EIF4B: variants seen among roughly 807,000 people sequenced by gnomAD.
EIF4B encodes the protein eukaryotic translation initiation factor 4B.
A neutral mutation model predicts 79.3 loss-of-function variants in EIF4B; 8 were observed. The observed-to-expected ratio is 0.10, with a 90% CI of 0.06 to 0.18. The LOEUF (loss-of-function observed/expected upper bound fraction) is 0.18, where lower values mean the gene tolerates loss of function less well. Among genes scored for constraint, EIF4B ranks in the 10% least tolerant of loss-of-function variants. EIF4B has a pLI of 1.00. For missense variants in EIF4B, 515 were observed against 792.4 expected (o/e 0.65, Z 4.20); for synonymous variants, 238 against 274.7 (o/e 0.87, Z 1.32).
At chr12:53,022,046 G>T (rs917925004) in intron 5 of EIF4B, 186 bp downstream of exon 5, 2 of 677,042 alleles carry the variant, frequency 3.0e-6, no homozygotes, top group South Asian at 1.9e-5. Context: ...GTCACAATTG[G>T]AGGGAGTGCT....
At chr12:53,025,268 AG>A in intron 6 of EIF4B, 2 of 455,754 alleles carry the variant, frequency 4.4e-6, no homozygotes, top group Non-Finnish European at 8.8e-6. Context: ...AATCAGACCA[AG>A]GGTCCTGTTT....
intron 8 of EIF4B, among the ~76,000 whole-genome samples, chr12:53,028,697 C>T: frequency 6.6e-6 from 1 of 151,894 alleles, no homozygotes; most frequent in South Asian, 2.1e-4. Flanking sequence ...AAAAAAGTTG[C>T]CAGATACTGT....
intron 1 of EIF4B, among the ~76,000 whole-genome samples, chr12:53,006,763 T>C (rs1942967811): frequency 6.6e-6 from 1 of 151,296 alleles, no homozygotes; most frequent in Non-Finnish European, 1.5e-5. Context: ...CTGGCTTGAA[T>C]TGGGGAAGGA....
At chr12:53,022,852 CT>C in intron 6 of EIF4B, among the ~76,000 whole-genome samples, 1 of 152,238 alleles carries the variant, frequency 6.6e-6, no homozygotes, top group South Asian at 2.1e-4. Context: ...ACAGACATTT[CT>C]CTTTTTTTGG....
At chr12:53,007,437 T>A (rs1942986981) in intron 1 of EIF4B, among the ~76,000 whole-genome samples, 1 of 147,828 alleles carries the variant, frequency 6.8e-6, no homozygotes, top group Non-Finnish European at 1.5e-5. Flanking sequence ...TTTTTTTTTT[T>A]TTTTTTTTTT....
intron 12 of EIF4B, 138 bp from the exon 13 acceptor site, chr12:53,039,096 CAGGA>C (rs200485235): frequency 0.014 from 8,535 of 598,610 alleles, 82 homozygotes; most frequent in African/African-American, 0.033. Context: ...AGAAGGGCTT[CAGGA>C]AGGAAGTCTG....
chr12:53,019,115 A>T lies in EIF4B; in HGVS notation c.360+109A>T. Reference sequence around the variant, plus strand: ...GAAAAAACAACTAGAAATATAATTTAAGGCCGGGAATGGTGGCTCACGCCT... The same window carrying T: ...GAAAAAACAACTAGAAATATAATTTTAGGCCGGGAATGGTGGCTCACGCCT... On this transcript the variant is annotated intron_variant, in intron 3 of 14. Coordinates refer to ENST00000262056, the MANE Select transcript of EIF4B (RefSeq NM_001417.7). 1.1e-5 allele frequency: 14 copies of T among 1,326,606 alleles called. No individual in the cohort carries two copies. The South Asian group carries it at 1.8e-4, about 17-fold the overall frequency. 82.2% of individuals were successfully genotyped at this position (1,326,606 alleles called of 1,614,324 possible).
chr12:53,007,477 C>G (rs2120871637), intron 1 of EIF4B, among the ~76,000 whole-genome samples: 1 of 113,392 alleles, frequency 8.8e-6, no homozygotes, highest in East Asian at 2.9e-4. Flanking sequence ...CCAGCAGGTA[C>G]TTTTAAAATA....
chr12:53,036,390 G>T (rs188425621), intron 10 of EIF4B, among the ~76,000 whole-genome samples: 2 of 152,146 alleles, frequency 1.3e-5, no homozygotes, highest in East Asian at 1.9e-4. Context: ...GGGATTACGG[G>T]CGTGAGCCGC....
intron 3 of EIF4B, among the ~76,000 whole-genome samples, chr12:53,019,433 A>ATTT (rs1565586158): frequency 2.1e-3 from 68 of 32,884 alleles, no homozygotes; most frequent in Non-Finnish European, 4.6e-3. Context: ...TTATATATAT[A>ATTT]TATATTTTTT....
At position 53,041,166 on chromosome 12, in the gene EIF4B, A is replaced by G. The variant is rs866537503; in HGVS notation, c.*943A>G. On this transcript the variant is annotated 3_prime_UTR_variant, in exon 15 of 15. Coordinates refer to ENST00000262056, the MANE Select transcript of EIF4B (RefSeq NM_001417.7). ...TCTTCATGCTACTCTTAACCTCCCA[A>G]AAAGCAGTATCTAAGTCACATACAT... The G allele has an allele frequency of 2.6e-5, 4 of 152,320 alleles. No individual in the cohort carries two copies. Among genetic ancestry groups the G allele is most frequent in the Middle Eastern group, 6.8e-3 (2 of 294 alleles). The allele number at this position is 152,320 out of a possible 1,614,324, so 9.4% of individuals were successfully genotyped here.
intron 2 of EIF4B, 97 bp from the exon 3 acceptor site, chr12:53,018,701 C>G: frequency 7.1e-7 from 1 of 1,406,854 alleles, no homozygotes; most frequent in South Asian, 1.2e-5. Flanking sequence ...TCTTGTATAG[C>G]ATGTTTAATA....
chr12:53,016,336 A>G, intron 1 of EIF4B, 137 bp from the exon 2 acceptor site: 2 of 1,172,610 alleles, frequency 1.7e-6, no homozygotes, highest in Non-Finnish European at 2.4e-6. Flanking sequence ...GTACCCCTTC[A>G]TGGAAATGCC....
intron 2 of EIF4B, among the ~76,000 whole-genome samples, chr12:53,017,297 G>C (rs747188358): frequency 2.6e-5 from 4 of 151,746 alleles, no homozygotes; most frequent in Non-Finnish European, 5.9e-5. Flanking sequence ...TGTAAGCTAT[G>C]TTTACTCAGA....
chr12:53,032,347 C>G (rs575297841), intron 8 of EIF4B, among the ~76,000 whole-genome samples: 89 of 152,262 alleles, frequency 5.8e-4, no homozygotes, highest in Non-Finnish European at 2.6e-4. Context: ...GAAGCTGAGG[C>G]AGGAAAATCA....
intron 10 of EIF4B, among the ~76,000 whole-genome samples, chr12:53,036,142 C>T (rs1009945039): frequency 1.2e-4 from 18 of 150,590 alleles, no homozygotes; most frequent in African/African-American, 2.4e-4. Flanking sequence ...GACGGAGTTT[C>T]GCTCTTTTTG....
chr12:53,009,495 A>AG lies in EIF4B; in HGVS notation c.13+2999_13+3000insG, dbSNP rs1410829439. On this transcript the variant is annotated intron_variant, in intron 1 of 14. Transcript: ENST00000262056. ...GGGCGACAGAGCGAGACTCCGTCTC[A>AG]AAAAAAAAAAACAAAAACAAACTTT... 1.0e-3 allele frequency among the ~76,000 whole-genome samples: 3 copies of AG among 2,870 alleles called. No homozygotes were observed. The Non-Finnish European group carries it at 0.021, about 20-fold the overall frequency. 1.9% of individuals were successfully genotyped at this position (2,870 alleles called of 152,430 possible).
At chr12:53,007,312 T>G (rs1324319671) in intron 1 of EIF4B, among the ~76,000 whole-genome samples, 1 of 152,012 alleles carries the variant, frequency 6.6e-6, no homozygotes, top group Non-Finnish European at 1.5e-5. Flanking sequence ...TTTCTCATAC[T>G]CAATTGGAGG....
intron 9 of EIF4B, among the ~76,000 whole-genome samples, chr12:53,034,335 G>T (rs1943500487): frequency 6.6e-6 from 1 of 152,146 alleles, no homozygotes; most frequent in Non-Finnish European, 1.5e-5. Context: ...GCCTGGTAAT[G>T]AGTGGCTTGT....
Sources: allele counts gnomAD v4.1 joint callset (sites outside exome capture counted in the v4.1 genomes callset), GRCh38; gene constraint gnomAD v4.1.1; transcripts MANE v1.5; gene names NCBI Gene and HGNC (gene_info 2026-07-23, HGNC 2026-07-21).